Variants in TRAPPC10 observed in about 807,000 individuals in gnomAD.
TRAPPC10 encodes trafficking protein particle complex subunit 10.
TRAPPC10 carries 23 observed loss-of-function variants against 125.5 expected under a neutral mutation model. That is an observed-to-expected ratio of 0.18 (90% CI 0.13 to 0.26). The LOEUF (loss-of-function observed/expected upper bound fraction) is 0.26, where lower values mean the gene tolerates loss of function less well. TRAPPC10 is among the 10% of genes least tolerant of loss of function. The pLI is 1.00. For synonymous variants in TRAPPC10, 509 were observed against 518.0 expected (o/e 0.98, Z 0.24); for missense variants, 1,123 against 1,308.4 (o/e 0.86, Z 2.19).
At chr21:44,053,497 G>A (rs2035366443) in intron 4 of TRAPPC10, among the ~76,000 whole-genome samples, 1 of 152,072 alleles carries the variant, frequency 6.6e-6, no homozygotes, top group Non-Finnish European at 1.5e-5. Context: ...CTGGGCTTAG[G>A]TTATTGCTTA....
intron 2 of TRAPPC10, among the ~76,000 whole-genome samples, chr21:44,032,379 CTTTTTT>C (rs1200011844): frequency 9.2e-6 from 1 of 108,472 alleles, no homozygotes; most frequent in East Asian, 2.6e-4. Flanking sequence ...CCATGGTTTT[CTTTTTT>C]TTTTTTTTTT....
intron 5 of TRAPPC10, among the ~76,000 whole-genome samples, chr21:44,057,118 A>G (rs2145870459): frequency 6.6e-6 from 1 of 152,212 alleles, no homozygotes; most frequent in East Asian, 1.9e-4. Flanking sequence ...AGGTCCCTCG[A>G]GTGCTCAGGT....
intron 3 of TRAPPC10, among the ~76,000 whole-genome samples, chr21:44,047,814 T>G (rs2034961328): frequency 1.3e-5 from 2 of 152,346 alleles, no homozygotes; most frequent in Non-Finnish European, 2.9e-5. Flanking sequence ...TCCATGTGTC[T>G]TCTTCACTTC....
At chr21:44,013,462 G>GT (rs1162749352) in intron 1 of TRAPPC10, among the ~76,000 whole-genome samples, 2 of 152,146 alleles carry the variant, frequency 1.3e-5, no homozygotes, top group African/African-American at 2.4e-5. Context: ...TATGCAGTTA[G>GT]TTTTTTTCTA....
At chr21:44,046,786 G>T in intron 3 of TRAPPC10, 1 of 505,298 alleles carries the variant, frequency 2.0e-6, no homozygotes, top group Non-Finnish European at 3.7e-6. Flanking sequence ...GGGATTACAG[G>T]CATAAGCCAC....
intron 15 of TRAPPC10, 66 bp from the exon 16 acceptor site, chr21:44,086,735 AT>A (rs1726201670): frequency 1.1e-5 from 17 of 1,563,634 alleles, no homozygotes; most frequent in Non-Finnish European, 1.4e-5. Flanking sequence ...CTTTCACCCC[AT>A]TGCGGGCCCT....
chr21:44,012,607 C>T (rs377344483), intron 1 of TRAPPC10, 47 bp downstream of exon 1: 39 of 1,494,594 alleles, frequency 2.6e-5, no homozygotes, highest in Admixed American at 1.4e-4. Context: ...TGGGCGGGCC[C>T]GGGCCCTGGC....
chr21:44,013,031 G>C (rs1216325568), intron 1 of TRAPPC10, among the ~76,000 whole-genome samples: 1 of 152,194 alleles, frequency 6.6e-6, no homozygotes, highest in Non-Finnish European at 1.5e-5. Flanking sequence ...GGAACAGTTT[G>C]TTGCGGGGTG....
At chr21:44,032,291 T>TA in intron 2 of TRAPPC10, 119 bp downstream of exon 2, 1 of 752,158 alleles carries the variant, frequency 1.3e-6, no homozygotes, top group East Asian at 2.8e-5. Context: ...TAGCACAAGT[T>TA]AAAAGCCTCA....
At chr21:44,072,753 C>T (rs758544334) in intron 7 of TRAPPC10, among the ~76,000 whole-genome samples, 15 of 152,342 alleles carry the variant, frequency 9.8e-5, no homozygotes, top group Middle Eastern at 3.4e-3. Flanking sequence ...CGTGAGCCAC[C>T]GCGCCCGGCC....
chr21:44,085,987 G>T (rs904258774), intron 15 of TRAPPC10, among the ~76,000 whole-genome samples: 6 of 152,208 alleles, frequency 3.9e-5, no homozygotes, highest in African/African-American at 1.4e-4. Flanking sequence ...CTATTTTTCT[G>T]CATTTGTGCC....
At chr21:44,044,903 TG>T (rs1167808898) in intron 3 of TRAPPC10, among the ~76,000 whole-genome samples, 2 of 152,056 alleles carry the variant, frequency 1.3e-5, no homozygotes, top group Admixed American at 1.3e-4. Context: ...TGACCGCAGG[TG>T]ATCTGCCCAC....
intron 3 of TRAPPC10, among the ~76,000 whole-genome samples, chr21:44,048,613 C>A (rs1460237276): frequency 6.6e-6 from 1 of 152,086 alleles, no homozygotes; most frequent in Non-Finnish European, 1.5e-5. Flanking sequence ...CCTGCCTCAG[C>A]CTGCTAAATA....
intron 18 of TRAPPC10, 39 bp downstream of exon 18, chr21:44,089,972 C>T (rs763012549): frequency 4.0e-6 from 6 of 1,504,518 alleles, no homozygotes; most frequent in East Asian, 2.3e-5. Flanking sequence ...GCTTCTTTCC[C>T]CAGACTCTTC....
intron 1 of TRAPPC10, 60 bp from the exon 2 acceptor site, chr21:44,032,031 G>A: frequency 7.3e-7 from 1 of 1,370,128 alleles, no homozygotes; most frequent in South Asian, 1.2e-5. Flanking sequence ...AAGCTCTAGA[G>A]CCATTTTGCA....
At chr21:44,074,846 A>G (rs1407792210) in intron 8 of TRAPPC10, among the ~76,000 whole-genome samples, 193 bp from the exon 9 acceptor site, 2 of 152,226 alleles carry the variant, frequency 1.3e-5, no homozygotes, top group Non-Finnish European at 2.9e-5. Flanking sequence ...ACAGAAGCGG[A>G]GGATTCCCAC....
chr21:44,023,190 G>T (rs144450110), intron 1 of TRAPPC10, among the ~76,000 whole-genome samples: 1,604 of 151,568 alleles, frequency 0.011, 31 homozygotes, highest in African/African-American at 0.037. Flanking sequence ...CCGCCACCAC[G>T]CCGGGCTAAT....
At chr21:44,037,392 G>A (rs1017968459) in intron 2 of TRAPPC10, among the ~76,000 whole-genome samples, 3 of 152,174 alleles carry the variant, frequency 2.0e-5, no homozygotes, top group Non-Finnish European at 2.9e-5. Context: ...AAATACGAAT[G>A]CAACCCTAAA....
intron 8 of TRAPPC10, among the ~76,000 whole-genome samples, 196 bp from the exon 9 acceptor site, chr21:44,074,843 C>T (rs1176243492): frequency 1.3e-5 from 2 of 152,228 alleles, no homozygotes; most frequent in Non-Finnish European, 2.9e-5. Context: ...AGGACAGAAG[C>T]GGAGGATTCC....
Sources: allele counts gnomAD v4.1 joint callset (sites outside exome capture counted in the v4.1 genomes callset), GRCh38; gene constraint gnomAD v4.1.1; transcripts MANE v1.5; gene names NCBI Gene and HGNC (gene_info 2026-07-23, HGNC 2026-07-21).